The following LRP8 variants were observed in gnomAD, a reference collection of about 807,000 sequenced individuals.
The protein encoded by LRP8 is low-density lipoprotein receptor-related protein 8.
In LRP8, 46 loss-of-function variants were observed where a neutral mutation model predicts 111.6. That is an observed-to-expected ratio of 0.41 (90% CI 0.33 to 0.53). LRP8 has a LOEUF of 0.53. LRP8 is among the 20% of genes least tolerant of loss of function. The pLI, the probability that LRP8 is intolerant of heterozygous loss-of-function variation, is 0.20. For synonymous variants in LRP8, 464 were observed against 511.2 expected (o/e 0.91, Z 1.24); for missense variants, 959 against 1,297.4 (o/e 0.74, Z 4.01).
chr1:53,306,874 G>C (rs1652062893), intron 2 of LRP8, among the ~76,000 whole-genome samples: 1 of 152,134 alleles, frequency 6.6e-6, no homozygotes, highest in Admixed American at 6.5e-5. Flanking sequence ...CTCATCTCCT[G>C]GTTTACGAAG....
intron 2 of LRP8, among the ~76,000 whole-genome samples, chr1:53,290,359 A>G (rs550946937): frequency 2.0e-5 from 3 of 152,108 alleles, no homozygotes; most frequent in African/African-American, 7.2e-5. Context: ...CTGAGCCTAC[A>G]TTTTCTTATC....
rs112308347 is a variant in LRP8 at position 53,318,714 on chromosome 1, G to T, written c.244+8159C>A. 6.7e-3 allele frequency among the ~76,000 whole-genome samples: 1,025 copies of T among 152,152 alleles called. 14 individuals are homozygous for T. Among genetic ancestry groups the T allele is most frequent in the African/African-American group, 0.023 (965 of 41,476 alleles). On this transcript the variant is annotated intron_variant, in intron 2 of 18. Coordinates refer to ENST00000306052, the MANE Select transcript of LRP8 (RefSeq NM_004631.5). ...AATACTATCTAGCCCTTTAAAACAA[G>T]GATGTGAACTACTGTTATTGCCATA... is the stretch of plus-strand genomic sequence containing the variant.
chr1:53,308,937 C>G (rs180933854), intron 2 of LRP8, among the ~76,000 whole-genome samples: 17 of 152,308 alleles, frequency 1.1e-4, no homozygotes, highest in Admixed American at 1.0e-3. Flanking sequence ...CTCACCATCT[C>G]TATCAGTAAA....
At chr1:53,253,280 TA>T (rs1645957559) in intron 16 of LRP8, among the ~76,000 whole-genome samples, 1 of 152,210 alleles carries the variant, frequency 6.6e-6, no homozygotes, top group Non-Finnish European at 1.5e-5. Flanking sequence ...GTTTCATATT[TA>T]TGCATGGCAA....
intron 12 of LRP8, among the ~76,000 whole-genome samples, chr1:53,261,745 C>T (rs1218968614): frequency 6.6e-6 from 1 of 152,204 alleles, no homozygotes; most frequent in East Asian, 1.9e-4. Context: ...TCCTTTCCTC[C>T]CTTTACTGGG....
intron 6 of LRP8, among the ~76,000 whole-genome samples, chr1:53,271,695 A>G (rs1646766155): frequency 6.6e-6 from 1 of 152,072 alleles, no homozygotes; most frequent in Admixed American, 6.5e-5. Context: ...TGTTTCTCAC[A>G]GCGCCTCCTT....
chr1:53,274,696 GCAC>G (rs1646862318), intron 6 of LRP8: 1 of 456,152 alleles, frequency 2.2e-6, no homozygotes, highest in Non-Finnish European at 4.4e-6. Context: ...GACAGGCACC[GCAC>G]CACACTTTCA....
At chr1:53,277,136 C>A (rs1391185286) in intron 4 of LRP8, 58 bp from the exon 5 acceptor site, 24 of 1,389,126 alleles carry the variant, frequency 1.7e-5, no homozygotes, top group Middle Eastern at 2.6e-4. Flanking sequence ...GACCTGGGGC[C>A]CCGCTGGTCC....
At chr1:53,282,657 C>T (rs1647152600) in intron 3 of LRP8, among the ~76,000 whole-genome samples, 2 of 152,150 alleles carry the variant, frequency 1.3e-5, no homozygotes, top group Non-Finnish European at 2.9e-5. Context: ...TCCTGAGCCT[C>T]AGCTCATACT....
chr1:53,288,883 C>T (rs1481313596), intron 3 of LRP8, among the ~76,000 whole-genome samples: 1 of 152,144 alleles, frequency 6.6e-6, no homozygotes, highest in Admixed American at 6.5e-5. Flanking sequence ...AGGATTAGGG[C>T]CTGGAAAATA....
At chr1:53,268,566 T>A (rs1646659480) in intron 8 of LRP8, 1 of 152,244 alleles carries the variant, frequency 6.6e-6, no homozygotes, top group Admixed American at 6.5e-5. Flanking sequence ...GCTGTATTGT[T>A]ATAATTTATC....
In LRP8 at chr1:53,275,200, T is replaced by C. The variant is rs1187083552; in HGVS notation, c.1006+431A>G. 2.0e-5 allele frequency among the ~76,000 whole-genome samples: 3 copies of C among 152,216 alleles called. No individual in the cohort carries two copies. Among genetic ancestry groups the C allele is most frequent in the South Asian group, 2.1e-4 (1 of 4,834 alleles). On this transcript the variant is annotated intron_variant, in intron 6 of 18. Transcript: ENST00000306052. This position sits in a 1 kb window ranked among gnomAD's most constrained non-coding sequence, Gnocchi z 4.4. ...AGTTGCTACACTGCCCAGCCTGTTA[T>C]CCATTCCCCAAGATGACTAGTGAAT...
chr1:53,301,600 A>G (rs1650880755), intron 2 of LRP8, among the ~76,000 whole-genome samples: 2 of 152,082 alleles, frequency 1.3e-5, no homozygotes, highest in Admixed American at 1.3e-4. Context: ...GCATGGTGGT[A>G]CACATCTGCA....
chr1:53,291,680 G>T (rs1450189300), intron 2 of LRP8: 1 of 152,226 alleles, frequency 6.6e-6, no homozygotes, highest in East Asian at 1.9e-4. Context: ...TGAAGGGCCA[G>T]ATAGTAGCTA....
intron 2 of LRP8, among the ~76,000 whole-genome samples, chr1:53,296,631 A>G (rs1649775479): frequency 6.6e-6 from 1 of 152,234 alleles, no homozygotes; most frequent in Non-Finnish European, 1.5e-5. Context: ...CCTGGCAGGC[A>G]GATTTAAATG....
intron 8 of LRP8, among the ~76,000 whole-genome samples, chr1:53,269,307 A>G (rs1233448609): frequency 6.6e-6 from 1 of 150,840 alleles, no homozygotes; most frequent in Non-Finnish European, 1.5e-5. Flanking sequence ...CTCCCTTTTT[A>G]TTTATTATTA....
chr1:53,279,455 T>C lies in LRP8; in HGVS notation c.496+1132A>G, dbSNP rs534513747. 9.9e-5 allele frequency among the ~76,000 whole-genome samples: 15 copies of C among 152,182 alleles called. No homozygotes were observed. Among genetic ancestry groups the C allele is most frequent in the Non-Finnish European group, 2.2e-4 (15 of 68,018 alleles). On this transcript the variant is annotated intron_variant, in intron 4 of 18. Transcript: ENST00000306052. This position sits in a 1 kb window ranked among gnomAD's most constrained non-coding sequence, Gnocchi z 4.4. ...AGGAAAGAGGATTCTCATTGGCCAG[T>C]GAGTCCCAGCAAAATTATCACAGCT...
intron 3 of LRP8, among the ~76,000 whole-genome samples, chr1:53,282,832 C>T (rs1006693705): frequency 4.6e-5 from 7 of 152,096 alleles, no homozygotes; most frequent in African/African-American, 1.2e-4. Context: ...CAATTCACTA[C>T]GATAAAAGTG....
intron 16 of LRP8, among the ~76,000 whole-genome samples, chr1:53,253,874 C>G (rs925281141): frequency 6.6e-6 from 1 of 152,190 alleles, no homozygotes; most frequent in African/African-American, 2.4e-5. Flanking sequence ...ATGCCCCTAT[C>G]ATAGCACATA....
Sources: allele counts gnomAD v4.1 joint callset (sites outside exome capture counted in the v4.1 genomes callset), GRCh38; gene constraint gnomAD v4.1.1; non-coding constraint Gnocchi (gnomAD v3.1); transcripts MANE v1.5; gene names NCBI Gene and HGNC (gene_info 2026-07-23, HGNC 2026-07-21).